LRRC4C: variants seen among roughly 807,000 people sequenced by gnomAD.
The protein encoded by LRRC4C is leucine-rich repeat-containing protein 4C.
In LRRC4C, 5 loss-of-function variants were observed where a neutral mutation model predicts 33.6. That is an observed-to-expected ratio of 0.15 (90% confidence interval 0.08 to 0.31). LRRC4C has a LOEUF of 0.31. LRRC4C is among the 10% of genes least tolerant of loss of function. LRRC4C has a pLI of 1.00. For synonymous variants in LRRC4C, 329 were observed against 302.0 expected, an observed-to-expected ratio of 1.09 and a Z score of -0.93; for missense variants, 560 against 796.7, an observed-to-expected ratio of 0.70 and a Z score of 3.58.
At chr11:41,179,841 T>G (rs1246947684) in intron 1 of LRRC4C, among the ~76,000 whole-genome samples, 3 of 151,666 alleles carry the variant, frequency 2.0e-5, no homozygotes, top group Non-Finnish European at 2.9e-5. Context: ...GAGTATCTTC[T>G]ATGTGATTGG....
chr11:40,913,244 A>G (rs1956781962), intron 2 of LRRC4C, among the ~76,000 whole-genome samples: 1 of 152,206 alleles, frequency 6.6e-6, no homozygotes, highest in Non-Finnish European at 1.5e-5. Context: ...CAGAATATAC[A>G]TTATTTTCAG....
intron 1 of LRRC4C, among the ~76,000 whole-genome samples, chr11:41,295,174 C>T (rs1421488419): frequency 6.6e-6 from 1 of 151,952 alleles, no homozygotes; most frequent in Non-Finnish European, 1.5e-5. Context: ...AGATACATAT[C>T]CAAAAAATAA....
intron 5 of LRRC4C, among the ~76,000 whole-genome samples, chr11:40,230,991 T>C (rs1345229812): frequency 6.6e-6 from 1 of 152,204 alleles, no homozygotes; most frequent in African/African-American, 2.4e-5. Flanking sequence ...CATCAGACTG[T>C]AAGATTTGCA....
intron 2 of LRRC4C, among the ~76,000 whole-genome samples, chr11:40,902,732 C>G (rs1956260972): frequency 1.3e-5 from 2 of 152,132 alleles, no homozygotes; most frequent in African/African-American, 2.4e-5. Flanking sequence ...TATATCAAAA[C>G]AGCCAAACAT....
intron 3 of LRRC4C, among the ~76,000 whole-genome samples, chr11:40,503,360 C>T (rs1954872187): frequency 6.6e-6 from 1 of 152,158 alleles, no homozygotes; most frequent in South Asian, 2.1e-4. Flanking sequence ...AGCACATGGG[C>T]AATAAATATT....
At chr11:40,583,467 A>C (rs529454182) in intron 3 of LRRC4C, among the ~76,000 whole-genome samples, 1 of 152,124 alleles carries the variant, frequency 6.6e-6, no homozygotes, top group Non-Finnish European at 1.5e-5. Flanking sequence ...TCCAATCTTC[A>C]CAAATTACAT....
intron 1 of LRRC4C, among the ~76,000 whole-genome samples, chr11:41,399,419 C>T (rs1355897788): frequency 1.3e-5 from 2 of 151,836 alleles, no homozygotes; most frequent in East Asian, 3.9e-4. Context: ...TGGGAGGGTG[C>T]ATTGCAATGA....
chr11:41,307,508 A>G (rs1950537992), intron 1 of LRRC4C, among the ~76,000 whole-genome samples: 1 of 152,196 alleles, frequency 6.6e-6, no homozygotes, highest in Non-Finnish European at 1.5e-5. Flanking sequence ...TAGTCAGCCA[A>G]TGAATGGGCC....
chr11:41,332,079 G>C (rs1438150268), intron 1 of LRRC4C, among the ~76,000 whole-genome samples: 1 of 151,992 alleles, frequency 6.6e-6, no homozygotes, highest in Non-Finnish European at 1.5e-5. Flanking sequence ...TCTCCATCTT[G>C]TTCACTGCCA....
intron 3 of LRRC4C, among the ~76,000 whole-genome samples, chr11:40,469,822 G>C (rs749041352): frequency 6.6e-6 from 1 of 152,194 alleles, no homozygotes; most frequent in Non-Finnish European, 1.5e-5. Flanking sequence ...TAGCCAGACT[G>C]CCTCTCTAGA....
chr11:41,152,692 C>A (rs1944052568), intron 1 of LRRC4C, among the ~76,000 whole-genome samples: 1 of 152,016 alleles, frequency 6.6e-6, no homozygotes, highest in African/African-American at 2.4e-5. Flanking sequence ...ATAATTTAAC[C>A]TTCTAATACT....
intron 1 of LRRC4C, among the ~76,000 whole-genome samples, chr11:41,340,440 G>C (rs1298721561): frequency 2.6e-5 from 4 of 152,128 alleles, no homozygotes; most frequent in Non-Finnish European, 5.9e-5. Flanking sequence ...CACAAATAAA[G>C]TCTTAATCGG....
chr11:40,423,383 C>G (rs1368425440), intron 3 of LRRC4C, among the ~76,000 whole-genome samples: 1 of 120,746 alleles, frequency 8.3e-6, no homozygotes, highest in African/African-American at 3.1e-5. Flanking sequence ...CTCGCTCTGT[C>G]GCCCAGGCTG....
At chr11:40,231,800 T>C (rs1190715004) in intron 5 of LRRC4C, among the ~76,000 whole-genome samples, 1 of 152,226 alleles carries the variant, frequency 6.6e-6, no homozygotes, top group Non-Finnish European at 1.5e-5. Context: ...ACATAGAACA[T>C]ATTTGCATGC....
chr11:40,806,874 T>C (rs184324704), intron 2 of LRRC4C, among the ~76,000 whole-genome samples: 14 of 152,250 alleles, frequency 9.2e-5, no homozygotes, highest in Admixed American at 6.5e-4. Flanking sequence ...GTATAGCCAG[T>C]CTTGAATTAA....
At chr11:40,579,712 C>CCCTCCAAAGGAAAGAGT (rs1958381344) in intron 3 of LRRC4C, among the ~76,000 whole-genome samples, 1 of 151,944 alleles carries the variant, frequency 6.6e-6, no homozygotes, top group Admixed American at 6.6e-5. Flanking sequence ...AAAGGAATCA[C>CCCTCCAAAGGAAAGAGT]CCTCCAAAGG....
chr11:41,170,819 C>T (rs1944942580), intron 1 of LRRC4C, among the ~76,000 whole-genome samples: 1 of 152,152 alleles, frequency 6.6e-6, no homozygotes, highest in South Asian at 2.1e-4. Context: ...GAACAGGCAA[C>T]CTACAGAATG....
intron 1 of LRRC4C, among the ~76,000 whole-genome samples, chr11:40,945,969 G>T (rs371040467): frequency 2.2e-4 from 33 of 152,138 alleles, no homozygotes; most frequent in Non-Finnish European, 4.0e-4. Context: ...GTGGGTCCAC[G>T]TGCAGGTTTG....
At chr11:41,226,650 T>A (rs1475943118) in intron 1 of LRRC4C, among the ~76,000 whole-genome samples, 1 of 151,778 alleles carries the variant, frequency 6.6e-6, no homozygotes, top group Non-Finnish European at 1.5e-5. Flanking sequence ...AAGACCTTGA[T>A]CCATCAGTGC....
Sources: allele counts gnomAD v4.1 joint callset (sites outside exome capture counted in the v4.1 genomes callset), GRCh38; gene constraint gnomAD v4.1.1; transcripts MANE v1.5; gene names NCBI Gene and HGNC (gene_info 2026-07-23, HGNC 2026-07-21).